Variants in HTRA1 observed in about 807,000 individuals in gnomAD.
HTRA1 encodes serine protease HTRA1.
In HTRA1, 26 loss-of-function variants were observed where a neutral mutation model predicts 49.7. The observed-to-expected ratio is 0.52, with a 90% confidence interval of 0.38 to 0.73. The LOEUF (loss-of-function observed/expected upper bound fraction) is 0.73. Ranked by LOEUF, HTRA1 falls within the 30% of genes least tolerant of loss-of-function variation. HTRA1 has a pLI of 0.00. For synonymous variants in HTRA1, 291 were observed against 286.9 expected (o/e 1.01, Z -0.14); for missense variants, 561 against 667.2 (o/e 0.84, Z 1.75).
At chr10:122,463,118 C>T (rs2133906393) in intron 1 of HTRA1, among the ~76,000 whole-genome samples, 1 of 152,392 alleles carries the variant, frequency 6.6e-6, no homozygotes, top group East Asian at 1.9e-4. Flanking sequence ...TGCCGGACCC[C>T]AGTGCTGCCT....
chr10:122,474,517 C>T (rs1046816553), intron 1 of HTRA1, among the ~76,000 whole-genome samples: 13 of 152,184 alleles, frequency 8.5e-5, no homozygotes, highest in Non-Finnish European at 1.9e-4. Context: ...GGCACTGCCT[C>T]CCAGTCCGTG....
At chr10:122,467,955 A>C (rs530041790) in intron 1 of HTRA1, among the ~76,000 whole-genome samples, 8 of 152,318 alleles carry the variant, frequency 5.3e-5, no homozygotes, top group Non-Finnish European at 8.8e-5. Flanking sequence ...GCCTCAGGAC[A>C]GAAGTAAGTG....
At chr10:122,508,601 G>T (rs2097504183) in intron 5 of HTRA1, 55 bp from the exon 6 acceptor site, 3 of 1,110,480 alleles carry the variant, frequency 2.7e-6, no homozygotes, top group Non-Finnish European at 4.2e-6. Context: ...CTCTGGGTGT[G>T]TACCTGCCGG....
intron 1 of HTRA1, among the ~76,000 whole-genome samples, chr10:122,469,464 A>G (rs1201312967): frequency 1.3e-5 from 2 of 152,212 alleles, no homozygotes; most frequent in African/African-American, 4.8e-5. Flanking sequence ...GGAAGCCTCA[A>G]TGTTCAGCGG....
At chr10:122,463,844 C>T (rs2097482656) in intron 1 of HTRA1, among the ~76,000 whole-genome samples, 2 of 152,206 alleles carry the variant, frequency 1.3e-5, no homozygotes, top group Admixed American at 6.5e-5. Flanking sequence ...GTGCATCCCC[C>T]TCAGAGCTGG....
intron 3 of HTRA1, among the ~76,000 whole-genome samples, chr10:122,495,096 G>A (rs1015848630): frequency 6.6e-5 from 10 of 152,120 alleles, no homozygotes; most frequent in Admixed American, 3.3e-4. Context: ...GTCCAAAAGC[G>A]AATCAGAGAA....
chr10:122,479,804 G>A (rs189907566), intron 1 of HTRA1, among the ~76,000 whole-genome samples: 38 of 152,164 alleles, frequency 2.5e-4, no homozygotes, highest in African/African-American at 7.5e-4. Flanking sequence ...CGATGGCTGC[G>A]GGGATCCTGC....
chr10:122,496,104 G>A (rs1312204533), intron 3 of HTRA1, among the ~76,000 whole-genome samples: 1 of 152,100 alleles, frequency 6.6e-6, no homozygotes, highest in African/African-American at 2.4e-5. Context: ...TCCTCGAGGA[G>A]CTGAAAGTGG....
chr10:122,484,145 A>AG (rs1302133624), intron 1 of HTRA1, among the ~76,000 whole-genome samples: 4 of 132,796 alleles, frequency 3.0e-5, no homozygotes, highest in Non-Finnish European at 6.7e-5. Context: ...TTGACCTTTC[A>AG]GGGGGCTTCC....
chr10:122,495,494 G>A (rs956331613), intron 3 of HTRA1, among the ~76,000 whole-genome samples: 5 of 152,142 alleles, frequency 3.3e-5, no homozygotes, highest in African/African-American at 1.2e-4. Flanking sequence ...GAGGCGGGTG[G>A]GGACGTGGCT....
intron 2 of HTRA1, among the ~76,000 whole-genome samples, 176 bp from the exon 3 acceptor site, chr10:122,489,246 G>A (rs547225470): frequency 1.3e-5 from 2 of 152,264 alleles, no homozygotes; most frequent in African/African-American, 4.8e-5. Context: ...TTTGTAAGTG[G>A]AAGTTTTTGA....
intron 1 of HTRA1, among the ~76,000 whole-genome samples, chr10:122,462,592 C>A (rs941294661): frequency 6.6e-6 from 1 of 152,246 alleles, no homozygotes; most frequent in Non-Finnish European, 1.5e-5. Context: ...CTGCTTTGAT[C>A]ACGGGACCGC....
chr10:122,481,525 G>A (rs924660994), intron 1 of HTRA1, among the ~76,000 whole-genome samples: 6 of 152,188 alleles, frequency 3.9e-5, no homozygotes, highest in Admixed American at 6.5e-5. Flanking sequence ...AGGGCTCCAC[G>A]CTGAAGCTTT....
At chr10:122,478,549 C>T (rs933098263) in intron 1 of HTRA1, among the ~76,000 whole-genome samples, 9 of 151,960 alleles carry the variant, frequency 5.9e-5, no homozygotes, top group Non-Finnish European at 7.4e-5. Context: ...CCTGCCACCA[C>T]GCCTGGCTAA....
chr10:122,488,029 C>T (rs541838283), intron 1 of HTRA1, among the ~76,000 whole-genome samples: 4 of 152,208 alleles, frequency 2.6e-5, no homozygotes, highest in African/African-American at 7.2e-5. Flanking sequence ...TAAGGCATGG[C>T]GGAAACTGCT....
At position 122,476,214 on chromosome 10, in the gene HTRA1, G is replaced by T. The variant is rs185427390; in HGVS notation, c.473-12688G>T. On this transcript the variant is annotated intron_variant, in intron 1 of 8. Coordinates refer to ENST00000368984, the MANE Select transcript of HTRA1 (RefSeq NM_002775.5). ...GTGTTTCTCTGCAGTTCACGGCTCA[G>T]TTAAATGCAGCCTACGTGCTGTCTT... 3.8e-3 allele frequency among the ~76,000 whole-genome samples: 576 copies of T among 152,306 alleles called. 2 individuals are homozygous for T. Among genetic ancestry groups the T allele is most frequent in the Middle Eastern group, 0.017 (5 of 294 alleles).
intron 6 of HTRA1, among the ~76,000 whole-genome samples, chr10:122,509,884 C>G (rs1474641354): frequency 1.3e-5 from 2 of 152,128 alleles, no homozygotes; most frequent in African/African-American, 4.8e-5. Flanking sequence ...AATTAAGGGT[C>G]ATGCCCAGGT....
chr10:122,477,176 C>G (rs1034643493), intron 1 of HTRA1, among the ~76,000 whole-genome samples: 1 of 151,922 alleles, frequency 6.6e-6, no homozygotes, highest in Non-Finnish European at 1.5e-5. Context: ...ACTGTGTTAG[C>G]CAGGACGGTC....
intron 1 of HTRA1, among the ~76,000 whole-genome samples, chr10:122,482,300 A>G (rs1276704310): frequency 6.6e-6 from 1 of 152,154 alleles, no homozygotes; most frequent in East Asian, 1.9e-4. Flanking sequence ...TGTGTGGTAC[A>G]TGCTTTTTAT....
Sources: gnomAD v4.1 joint callset for allele counts (sites outside exome capture counted in the v4.1 genomes callset) on GRCh38, gnomAD v4.1.1 for gene constraint, MANE v1.5 for transcripts, NCBI Gene and HGNC (gene_info 2026-07-23, HGNC 2026-07-21) for gene names.